Variants in FMN2 observed in about 807,000 individuals in gnomAD.
FMN2 encodes the protein formin 2.
FMN2 carries 51 observed loss-of-function variants against 142.3 expected under a neutral mutation model. The observed-to-expected ratio is 0.36, with a 90% CI of 0.29 to 0.45. The LOEUF (loss-of-function observed/expected upper bound fraction) is 0.45, where lower values mean the gene tolerates loss of function less well. FMN2 is among the 20% of genes least tolerant of loss of function. The pLI, the probability that FMN2 is intolerant of heterozygous loss-of-function variation, is 1.00. For missense variants in FMN2, 1,936 were observed against 2,122.8 expected (o/e 0.91, Z 1.73); for synonymous variants, 882 against 869.8 (o/e 1.01, Z -0.25).
intron 4 of FMN2, among the ~76,000 whole-genome samples, chr1:240,199,127 AAT>A (rs1666037259): frequency 1.3e-5 from 2 of 152,144 alleles, no homozygotes; most frequent in Non-Finnish European, 2.9e-5. Context: ...AACAAAAAAC[AAT>A]ATGACAAATA....
At chr1:240,131,852 C>A (rs1662752378) in intron 2 of FMN2, among the ~76,000 whole-genome samples, 1 of 152,128 alleles carries the variant, frequency 6.6e-6, no homozygotes, top group Non-Finnish European at 1.5e-5. Flanking sequence ...ACAAAGACAA[C>A]CTGGGGGTGC....
chr1:240,388,305 A>G (rs891674948), intron 14 of FMN2, among the ~76,000 whole-genome samples: 3 of 151,136 alleles, frequency 2.0e-5, no homozygotes, highest in African/African-American at 7.3e-5. Context: ...TTAATGATGA[A>G]TAAAAGTTAT....
chr1:240,117,969 G>T (rs1224727105), intron 1 of FMN2, among the ~76,000 whole-genome samples: 3 of 152,192 alleles, frequency 2.0e-5, no homozygotes, highest in South Asian at 2.1e-4. Context: ...GTATTAGGAA[G>T]TTCTCTCAGT....
At chr1:240,211,342 G>A in intron 6 of FMN2, 107 bp downstream of exon 6, 2 of 1,065,564 alleles carry the variant, frequency 1.9e-6, no homozygotes, top group Admixed American at 4.4e-5. Context: ...AACCTCCATG[G>A]ATCTTAGGCA....
At position 240,183,870 on chromosome 1, in the gene FMN2, G is replaced by T. The variant is rs1284175366; in HGVS notation, c.1931-4337G>T. On this transcript the variant is annotated intron_variant, in intron 3 of 17. Transcript: ENST00000319653. The stretch of plus-strand genomic sequence containing the variant: ...AATTCTGTTTCAGTTAAATTGACTG[G>T]ATTTGAATCAAACTGGTATATACCA... 2.6e-5 allele frequency among the ~76,000 whole-genome samples: 4 copies of T among 152,214 alleles called. No homozygotes were observed. The Middle Eastern group carries it at 0.014, about 518-fold the overall frequency.
At chr1:240,143,026 G>T in intron 2 of FMN2, 1 of 1,502,576 alleles carries the variant, frequency 6.7e-7, no homozygotes, top group Non-Finnish European at 9.2e-7. Flanking sequence ...ATGGCCACTG[G>T]ACTCATAAGC....
chr1:240,188,167 T>G, intron 3 of FMN2, 40 bp from the exon 4 acceptor site: 1 of 1,589,684 alleles, frequency 6.3e-7, no homozygotes, highest in Middle Eastern at 1.7e-4. Context: ...AGGAAAATTG[T>G]CCTTTAAGAT....
At chr1:240,179,339 T>C (rs1665056101) in intron 3 of FMN2, 2 of 152,178 alleles carry the variant, frequency 1.3e-5, no homozygotes, top group South Asian at 2.1e-4. Context: ...TCCCAGTCTC[T>C]GGAGGAATGA....
At chr1:240,448,891 C>T (rs1675913234) in intron 16 of FMN2, among the ~76,000 whole-genome samples, 1 of 151,940 alleles carries the variant, frequency 6.6e-6, no homozygotes, top group African/African-American at 2.4e-5. Flanking sequence ...ACCTGTAATC[C>T]CAGTACTTTG....
At chr1:240,302,321 A>G (rs554653528) in intron 8 of FMN2, among the ~76,000 whole-genome samples, 1 of 152,206 alleles carries the variant, frequency 6.6e-6, no homozygotes, top group African/African-American at 2.4e-5. Context: ...AAGCTAGAAA[A>G]AGAAATTTGC....
chr1:240,433,491 A>G (rs1335010857), intron 15 of FMN2, among the ~76,000 whole-genome samples: 1 of 152,136 alleles, frequency 6.6e-6, no homozygotes, highest in African/African-American at 2.4e-5. Flanking sequence ...TTTTTCCTGC[A>G]CAATTTGAAT....
intron 1 of FMN2, among the ~76,000 whole-genome samples, chr1:240,098,575 G>A (rs1661304064): frequency 6.6e-6 from 1 of 152,160 alleles, no homozygotes; most frequent in Admixed American, 6.5e-5. Flanking sequence ...CGTATAAAAT[G>A]TCTTATTATA....
At chr1:240,389,147 A>G (rs1333522407) in intron 14 of FMN2, among the ~76,000 whole-genome samples, 2 of 152,166 alleles carry the variant, frequency 1.3e-5, no homozygotes, top group African/African-American at 2.4e-5. Flanking sequence ...CTTGTATGCA[A>G]TTCACTCGGC....
chr1:240,418,861 C>T (rs1674669678), intron 15 of FMN2, among the ~76,000 whole-genome samples: 1 of 152,160 alleles, frequency 6.6e-6, no homozygotes, highest in South Asian at 2.1e-4. Context: ...AATTCCAGCA[C>T]TTTGGGAGGC....
intron 16 of FMN2, among the ~76,000 whole-genome samples, chr1:240,443,522 A>G (rs999867110): frequency 6.6e-6 from 1 of 152,150 alleles, no homozygotes; most frequent in Non-Finnish European, 1.5e-5. Context: ...TGGGAGGCCA[A>G]GGTGGGTGGA....
Position 240,213,688 on chromosome 1 carries a change from A to G in FMN2, c.4065+2453A>G, listed in dbSNP as rs949137962. On this transcript the variant is annotated intron_variant, in intron 6 of 17. Transcript: ENST00000319653. ...GCCTTTAATGCCGTGGCATATGTTT[A>G]TGGAGGTATTTCAAGCAATTCTTCT... 2.8e-4 allele frequency among the ~76,000 whole-genome samples: 43 copies of G among 152,214 alleles called. 1 individual carries two copies. The highest frequency in any genetic ancestry group is 1.0e-3 in the African/African-American group (43 of 41,450).
intron 14 of FMN2, among the ~76,000 whole-genome samples, chr1:240,371,661 A>G (rs1033140065): frequency 6.6e-6 from 1 of 152,364 alleles, no homozygotes; most frequent in South Asian, 2.1e-4. Context: ...TGCACCATTT[A>G]AAATTATGAT....
chr1:240,201,712 A>T (rs913407098), intron 4 of FMN2, among the ~76,000 whole-genome samples: 2 of 152,172 alleles, frequency 1.3e-5, no homozygotes, highest in South Asian at 4.1e-4. Context: ...CTTAATTTTT[A>T]ATTTCTTTTT....
At chr1:240,169,777 C>A (rs2103308096) in intron 2 of FMN2, among the ~76,000 whole-genome samples, 1 of 152,272 alleles carries the variant, frequency 6.6e-6, no homozygotes, top group Admixed American at 6.5e-5. Context: ...CACACCTGAC[C>A]AGGACAGATT....
Sources: gnomAD v4.1 joint callset for allele counts (sites outside exome capture counted in the v4.1 genomes callset) on GRCh38, gnomAD v4.1.1 for gene constraint, MANE v1.5 for transcripts, NCBI Gene and HGNC (gene_info 2026-07-23, HGNC 2026-07-21) for gene names.